ATP7A: variants seen among roughly 807,000 people sequenced by gnomAD.
The protein encoded by ATP7A is ATPase copper transporting alpha, also known as copper-transporting ATPase 1.
In ATP7A, 7 loss-of-function variants were observed where a neutral mutation model predicts 83.5. The observed-to-expected ratio is 0.08, with a 90% CI of 0.05 to 0.16. The LOEUF is 0.16. Among genes scored for constraint, ATP7A ranks in the 10% least tolerant of loss-of-function variants. The pLI is 1.00. For synonymous variants in ATP7A, 354 were observed against 395.2 expected (o/e 0.90, Z 1.24); for missense variants, 940 against 1,120.8 (o/e 0.84, Z 2.30).
chrX:77,915,052 C>T (rs1291688541), intron 1 of ATP7A, among the ~76,000 whole-genome samples: 1 of 111,549 alleles, frequency 9.0e-6, no homozygotes, highest in Non-Finnish European at 1.9e-5. Flanking sequence ...CAGTTGCTCA[C>T]GCCTGTAATC....
intron 10 of ATP7A, among the ~76,000 whole-genome samples, chrX:78,014,298 G>A (rs782399467): frequency 1.0e-4 from 11 of 108,932 alleles, no homozygotes; most frequent in Non-Finnish European, 1.7e-4. Flanking sequence ...CCAGCTACTC[G>A]GGAGGCTGAG....
chrX:78,030,390 C>T (rs2077975179), intron 15 of ATP7A, among the ~76,000 whole-genome samples: 1 of 108,518 alleles, frequency 9.2e-6, no homozygotes, highest in Admixed American at 9.8e-5. Context: ...CCACTGCACT[C>T]CAGCTTGGGC....
At chrX:77,988,839 G>C in intron 3 of ATP7A, 108 bp downstream of exon 3, 1 of 980,570 alleles carries the variant, frequency 1.0e-6, no homozygotes, top group Non-Finnish European at 1.4e-6. Context: ...AGACTAGAGT[G>C]CTTGCTGTAT....
intron 18 of ATP7A, among the ~76,000 whole-genome samples, chrX:78,039,839 A>G (rs1374038877): frequency 1.8e-5 from 2 of 112,215 alleles, no homozygotes; most frequent in Non-Finnish European, 3.8e-5. Context: ...TAATGTTGCT[A>G]TATAATTTTA....
In ATP7A at chrX:77,932,874, C is replaced by T. The variant is rs369167062; in HGVS notation, c.-22+22039C>T. Among the ~76,000 whole-genome samples, 25 of 110,924 alleles carry T rather than the reference C, an allele frequency of 2.3e-4. No homozygotes were observed. The South Asian group carries it at 3.4e-3, about 15-fold the overall frequency. On this transcript the variant is annotated intron_variant, in intron 1 of 22. Coordinates refer to ENST00000341514, the MANE Select transcript of ATP7A (RefSeq NM_000052.7). ...GCAGCAGTACAGTCCAGCTTCGGCTCGGCATTAGAGGGAGACCGTGGAAAG... is the reference window on the plus strand; with the variant it reads ...GCAGCAGTACAGTCCAGCTTCGGCTTGGCATTAGAGGGAGACCGTGGAAAG...
At chrX:78,003,323 G>T in intron 6 of ATP7A, 87 bp downstream of exon 6, 11 of 933,367 alleles carry the variant, frequency 1.2e-5, no homozygotes, top group Non-Finnish European at 1.7e-5. Context: ...ATAATTAAAG[G>T]TGGGGAAAAT....
At chrX:77,998,177 A>T (rs1451544926) in intron 4 of ATP7A, among the ~76,000 whole-genome samples, 1 of 112,233 alleles carries the variant, frequency 8.9e-6, no homozygotes, top group African/African-American at 3.2e-5. Context: ...TAAAAATAAG[A>T]ACTATCCATT....
At chrX:77,927,702 C>T (rs1439499351) in intron 1 of ATP7A, among the ~76,000 whole-genome samples, 25 of 110,756 alleles carry the variant, frequency 2.3e-4, no homozygotes, top group Admixed American at 8.7e-4. Flanking sequence ...TTGTTACATA[C>T]GTATACATGC....
At position 78,009,279 on chromosome X, in the gene ATP7A, TTA is replaced by T; in HGVS notation, c.1869+18_1869+19del. On this transcript the variant is annotated intron_variant, in intron 7 of 22. Transcript: ENST00000341514. ...TACAATTGAAGTAAGTGCCAAGAAT[TTA>T]TGTTTCTGTGTTCTTACCTATTTAA... 8.3e-7 allele frequency: 1 copy of T among 1,201,359 alleles called. No homozygotes were observed. The highest frequency in any genetic ancestry group is 1.8e-5 in the South Asian group (1 of 56,736).
intron 1 of ATP7A, among the ~76,000 whole-genome samples, chrX:77,956,197 C>G (rs181041950): frequency 1.8e-5 from 2 of 111,543 alleles, no homozygotes; most frequent in African/African-American, 6.5e-5. Context: ...GTTCAATTTT[C>G]AATTTTTTGA....
At chrX:77,931,009 C>CTTTTT (rs11379657) in intron 1 of ATP7A, among the ~76,000 whole-genome samples, 22 of 67,238 alleles carry the variant, frequency 3.3e-4, no homozygotes, top group Non-Finnish European at 4.2e-4. Context: ...TTTTTTTTAC[C>CTTTTT]TTTTTTTTTA....
chrX:77,916,354 CAAAAA>C (rs782551060), intron 1 of ATP7A, among the ~76,000 whole-genome samples: 13 of 32,543 alleles, frequency 4.0e-4, no homozygotes, highest in African/African-American at 1.2e-3. Flanking sequence ...GACCCTGTCT[CAAAAA>C]AAAAAAAAAA....
chrX:78,006,766 A>T (rs186530880), intron 6 of ATP7A, among the ~76,000 whole-genome samples: 1 of 112,246 alleles, frequency 8.9e-6, no homozygotes, highest in African/African-American at 3.2e-5. Context: ...GGTCCTTTGT[A>T]ACCGGCTTCT....
intron 1 of ATP7A, among the ~76,000 whole-genome samples, chrX:77,956,726 CCTTTCTTTCTTTCTTTCTTTCTTTCTTT>C (rs202001825): frequency 1.4e-5 from 1 of 73,772 alleles, no homozygotes; most frequent in East Asian, 4.4e-4. Context: ...TACCCAGTCT[CCTTTCTTTCTTTCTTTCTTTCTTTCTTT>C]CTTTCTTTCT....
chrX:77,941,160 A>T (rs2149054154), intron 1 of ATP7A, among the ~76,000 whole-genome samples: 1 of 111,820 alleles, frequency 8.9e-6, no homozygotes, highest in East Asian at 2.8e-4. Context: ...CACTTCCAGG[A>T]ATTTTATCTA....
chrX:77,989,779 T>G lies in ATP7A; in HGVS notation c.1157T>G (p.Met386Arg), dbSNP rs2149083331. Residue 386 changes from methionine to arginine, a missense_variant, in exon 4 of 23, where the codon ATG becomes AGG. Coordinates refer to ENST00000341514, the MANE Select transcript of ATP7A (RefSeq NM_000052.7). ...GAAACTGTGATAAACATTGATGGCA[T>G]GACTTGTAATTCCTGTGTGCAGTCT... is the stretch of plus-strand genomic sequence containing the variant. Reference protein sequence around the residue: ...TQETVINIDGMTCNSCVQSIE... With the variant: ...TQETVINIDGRTCNSCVQSIE... 5.0e-6 allele frequency: 6 copies of G among 1,211,547 alleles called. No individual in the cohort carries two copies. Among genetic ancestry groups the G allele is most frequent in the Non-Finnish European group, 6.7e-6 (6 of 895,260 alleles).
intron 16 of ATP7A, 91 bp downstream of exon 16, chrX:78,031,673 A>C: frequency 1.0e-6 from 1 of 984,893 alleles, no homozygotes; most frequent in Non-Finnish European, 1.4e-6. Context: ...TGTGATTTGC[A>C]TATATAGTTG....
chrX:77,924,951 C>G (rs1279427151), intron 1 of ATP7A, among the ~76,000 whole-genome samples: 4 of 111,713 alleles, frequency 3.6e-5, no homozygotes, highest in Non-Finnish European at 7.5e-5. Flanking sequence ...CTCGGCCTCC[C>G]AAAGTGCTGG....
chrX:77,968,996 G>A (rs782743818), intron 1 of ATP7A: 1 of 1,211,273 alleles, frequency 8.3e-7, no homozygotes, highest in East Asian at 3.0e-5. Flanking sequence ...TAGACGATGG[G>A]AATACCAGTC....
Sources: allele counts gnomAD v4.1 joint callset (sites outside exome capture counted in the v4.1 genomes callset), GRCh38; gene constraint gnomAD v4.1.1; transcripts MANE v1.5; gene names NCBI Gene and HGNC (gene_info 2026-07-23, HGNC 2026-07-21).